Variants in PTPRT observed in about 807,000 individuals in gnomAD.
PTPRT encodes the protein protein tyrosine phosphatase receptor type T, also known as receptor-type tyrosine-protein phosphatase T.
PTPRT carries 56 observed loss-of-function variants against 176.8 expected under a neutral mutation model. The observed-to-expected ratio is 0.32, with a 90% CI of 0.26 to 0.40. PTPRT has a LOEUF of 0.40. Ranked by LOEUF, PTPRT falls within the 10% of genes least tolerant of loss-of-function variation. The pLI is 1.00. For synonymous variants in PTPRT, 783 were observed against 739.0 expected (o/e 1.06, Z -0.96); for missense variants, 1,540 against 1,908.2 (o/e 0.81, Z 3.60).
At chr20:42,603,405 A>C (rs1473726380) in intron 7 of PTPRT, among the ~76,000 whole-genome samples, 1 of 152,162 alleles carries the variant, frequency 6.6e-6, no homozygotes, top group Non-Finnish European at 1.5e-5. Flanking sequence ...AGGAAATGAC[A>C]AGTGCAAAAC....
chr20:42,312,766 A>T (rs567345366), intron 12 of PTPRT, among the ~76,000 whole-genome samples: 1 of 150,732 alleles, frequency 6.6e-6, no homozygotes, highest in East Asian at 1.9e-4. Context: ...CAGTGTCAAA[A>T]CTGCTTCTGA....
chr20:42,120,172 TTA>T (rs148345841), intron 19 of PTPRT, among the ~76,000 whole-genome samples: 5,112 of 152,290 alleles, frequency 0.034, 262 homozygotes, highest in African/African-American at 0.12. Flanking sequence ...CTAGCTATTT[TTA>T]TAGTTACTTG....
chr20:42,116,088 T>G (rs1289556207), intron 21 of PTPRT: 1 of 723,810 alleles, frequency 1.4e-6, no homozygotes, highest in Non-Finnish European at 2.6e-6. Context: ...CACAGTGTGT[T>G]CCGCTGGGTG....
intron 1 of PTPRT, among the ~76,000 whole-genome samples, chr20:42,998,290 T>G (rs1432977479): frequency 6.6e-6 from 1 of 152,156 alleles, no homozygotes; most frequent in Non-Finnish European, 1.5e-5. Flanking sequence ...ACCATAAAGT[T>G]TTTTGCCCCT....
chr20:42,863,406 G>A (rs1327450056), intron 2 of PTPRT, among the ~76,000 whole-genome samples: 10 of 152,182 alleles, frequency 6.6e-5, no homozygotes, highest in Admixed American at 6.5e-4. Context: ...CTCTGTTTGT[G>A]ACTATCTAGA....
intron 1 of PTPRT, among the ~76,000 whole-genome samples, chr20:43,164,784 A>C (rs1023064134): frequency 6.6e-6 from 1 of 152,230 alleles, no homozygotes; most frequent in Non-Finnish European, 1.5e-5. Context: ...TGAATGTTGA[A>C]ATTTGAATTT....
intron 1 of PTPRT, among the ~76,000 whole-genome samples, chr20:42,907,420 T>G (rs573901871): frequency 6.6e-6 from 1 of 152,010 alleles, no homozygotes; most frequent in South Asian, 2.1e-4. Flanking sequence ...TTGACTGGAA[T>G]GAAGAAAAGG....
chr20:42,065,570 C>A, the PTPRT span, among the ~76,000 whole-genome samples: 1 of 152,218 alleles, frequency 6.6e-6, no homozygotes, highest in Non-Finnish European at 1.5e-5. Context: ...GAATCTCCCC[C>A]ATCCCTATGG....
intron 11 of PTPRT, among the ~76,000 whole-genome samples, chr20:42,338,154 T>C (rs2058066154): frequency 6.6e-6 from 1 of 152,176 alleles, no homozygotes; most frequent in Admixed American, 6.5e-5. Context: ...TTCAATTCAG[T>C]TTATGCTTTT....
At chr20:42,594,808 T>A (rs1364105478) in intron 7 of PTPRT, among the ~76,000 whole-genome samples, 6 of 152,162 alleles carry the variant, frequency 3.9e-5, no homozygotes, top group African/African-American at 1.4e-4. Context: ...GCAGCTGACC[T>A]CCTCTGGCAG....
chr20:42,104,238 G>A (rs1215747405), intron 25 of PTPRT, among the ~76,000 whole-genome samples: 1 of 152,192 alleles, frequency 6.6e-6, no homozygotes, highest in African/African-American at 2.4e-5. Context: ...GGAGACCAAG[G>A]TGGGAGGATT....
chr20:42,042,281 G>A, the PTPRT span, among the ~76,000 whole-genome samples: 3 of 152,270 alleles, frequency 2.0e-5, no homozygotes, highest in East Asian at 3.9e-4. Context: ...GCATTAGTGA[G>A]CAATAGAGAT....
At chr20:42,767,395 T>C (rs2076997815) in intron 5 of PTPRT, among the ~76,000 whole-genome samples, 1 of 152,076 alleles carries the variant, frequency 6.6e-6, no homozygotes, top group Non-Finnish European at 1.5e-5. Context: ...CCCTGACTGC[T>C]TGAGTTGGAA....
intron 2 of PTPRT, among the ~76,000 whole-genome samples, chr20:42,860,737 C>T (rs137965798): frequency 6.7e-4 from 102 of 152,222 alleles, no homozygotes; most frequent in African/African-American, 2.4e-3. Context: ...CCTTATTAGA[C>T]TCTTTTATTG....
rs1374411220 is a variant in PTPRT at position 42,588,472 on chromosome 20, AC to A, written c.1153+89393del. 2.0e-5 allele frequency among the ~76,000 whole-genome samples: 3 copies of A among 151,974 alleles called. No individual in the cohort carries two copies. In the East Asian group the frequency reaches 5.8e-4, roughly 29 times the overall value. On this transcript the variant is annotated intron_variant, in intron 7 of 30. Coordinates refer to ENST00000373187, the MANE Select transcript of PTPRT (RefSeq NM_007050.6). ...AAAAAAAAAGCAAATAAATCAACCA[AC>A]CAGAAAAATGAAATGTGGCTGGTGC...
intron 1 of PTPRT, among the ~76,000 whole-genome samples, chr20:42,994,939 G>C (rs1200340308): frequency 6.6e-6 from 1 of 152,184 alleles, no homozygotes; most frequent in Admixed American, 6.5e-5. Context: ...TTATGTGATG[G>C]GGGAATAAAC....
intron 1 of PTPRT, among the ~76,000 whole-genome samples, chr20:43,069,822 G>C (rs540212322): frequency 6.6e-6 from 1 of 152,290 alleles, no homozygotes; most frequent in African/African-American, 2.4e-5. Context: ...AGCTTGCATA[G>C]TGGTTACTCC....
intron 1 of PTPRT, among the ~76,000 whole-genome samples, chr20:42,899,847 G>T (rs1012448527): frequency 4.6e-5 from 7 of 152,134 alleles, no homozygotes; most frequent in African/African-American, 1.7e-4. Flanking sequence ...TTGTGACTTT[G>T]GATGAGTCAG....
intron 6 of PTPRT, among the ~76,000 whole-genome samples, chr20:42,690,186 C>A (rs142651344): frequency 0.02 from 2,995 of 152,000 alleles, 35 homozygotes; most frequent in Middle Eastern, 0.041. Flanking sequence ...GGGGGGCCAG[C>A]AAAAAGGCAA....
Sources: allele counts gnomAD v4.1 joint callset (sites outside exome capture counted in the v4.1 genomes callset), GRCh38; gene constraint gnomAD v4.1.1; transcripts MANE v1.5; gene names NCBI Gene and HGNC (gene_info 2026-07-23, HGNC 2026-07-21).